SLC23A2: variants seen among roughly 807,000 people sequenced by gnomAD.
SLC23A2 encodes the protein solute carrier family 23 member 2, also known as Na(+)/L-ascorbic acid transporter 2.
A neutral mutation model predicts 73.3 loss-of-function variants in SLC23A2; 36 were observed. The ratio of observed to expected loss-of-function variants is 0.49; its 90% CI spans 0.38 to 0.65. The LOEUF is 0.65. Among genes scored for constraint, SLC23A2 ranks in the 30% least tolerant of loss-of-function variants. SLC23A2 has a pLI of 0.00. For missense variants in SLC23A2, 507 were observed against 841.6 expected (o/e 0.60, Z 4.92); for synonymous variants, 343 against 327.3 (o/e 1.05, Z -0.52).
rs769619015 is a variant in SLC23A2, at chr20:4,912,997, T to C, written c.109-19A>G. On this transcript the variant is annotated intron_variant, in intron 3 of 16. Coordinates refer to ENST00000338244, the MANE Select transcript of SLC23A2 (RefSeq NM_005116.6). ...TCACCACCTGCAGAGACAATCCACT[T>C]AGAGGCTGTTTCAGCGTGAACCACA... The C allele has an allele frequency of 1.3e-6, 2 of 1,541,368 alleles. No homozygotes were observed. Among genetic ancestry groups the C allele is most frequent in the Non-Finnish European group, 9.0e-7 (1 of 1,115,818 alleles).
chr20:4,857,186 C>T lies in SLC23A2; in HGVS notation c.1739G>A (p.Gly580Glu). ...CACACCCTTCTTCCATTTCCGGATTCCTCTTTCCTCTGGAGTGCCTGTCAC... is the reference window on the plus strand; with the variant it reads ...CACACCCTTCTTCCATTTCCGGATTTCTCTTTCCTCTGGAGTGCCTGTCAC... ...NTIPGTPEER[G>E]IRKWKKGVGK... The change falls in exon 17 of 17, where the codon GGA becomes GAA. Residue 580 changes from glycine (G) to glutamate (E), a missense_variant. Gly to Glu is a moderately conservative substitution (Grantham distance 98, BLOSUM62 -2). This residue lies in a region of SLC23A2 where 168 missense variants were observed against 302.3 expected (regional missense o/e 0.56). Transcript: ENST00000338244. The surrounding 1 kb of genome is among the most constrained non-coding windows in gnomAD (Gnocchi z 4.0). 2 of 1,604,890 alleles carry T rather than the reference C, an allele frequency of 1.2e-6. No individual in the cohort carries two copies. The highest frequency in any genetic ancestry group is 1.7e-6 in the Non-Finnish European group (2 of 1,173,968).
In SLC23A2 at chr20:4,946,831, T is replaced by C. The variant is rs539256641; in HGVS notation, c.-154-14115A>G. Among the ~76,000 whole-genome samples the C allele has an allele frequency of 2.6e-5, 4 of 152,350 alleles. No individual in the cohort carries two copies. The East Asian group carries it at 7.7e-4, about 29-fold the overall frequency. ...CTGAGAAAGTAAAATGTCAGAGTGGTGTATGCTTTGTTTGTTTGGGGGTTT... is the reference window on the plus strand; with the variant it reads ...CTGAGAAAGTAAAATGTCAGAGTGGCGTATGCTTTGTTTGTTTGGGGGTTT... On this transcript the variant is annotated intron_variant, in intron 2 of 16. Transcript: ENST00000338244.
At chr20:5,000,234 C>T (rs1232593446) in intron 1 of SLC23A2, among the ~76,000 whole-genome samples, 4 of 152,090 alleles carry the variant, frequency 2.6e-5, no homozygotes. Flanking sequence ...ACGTCACCTG[C>T]AACGGTGAAA....
At chr20:4,888,247 A>G (rs1931183382) in intron 6 of SLC23A2, among the ~76,000 whole-genome samples, 1 of 152,224 alleles carries the variant, frequency 6.6e-6, no homozygotes, top group Non-Finnish European at 1.5e-5. Flanking sequence ...TACTGGAACA[A>G]AGGACAGCCA....
At chr20:4,997,530 G>A (rs902696283) in intron 1 of SLC23A2, among the ~76,000 whole-genome samples, 1 of 151,226 alleles carries the variant, frequency 6.6e-6, no homozygotes, top group Non-Finnish European at 1.5e-5. Context: ...TCATTATATT[G>A]AAGCCCTACC....
intron 1 of SLC23A2, among the ~76,000 whole-genome samples, chr20:4,997,032 AG>A (rs1242011544): frequency 6.6e-6 from 1 of 152,126 alleles, no homozygotes. Flanking sequence ...CTTTCTTTCT[AG>A]GTGCTAAGAC....
In SLC23A2 at chr20:4,862,938, G is replaced by A. The variant is rs1333073098; in HGVS notation, c.1357-31C>T. 3 of 1,590,362 alleles carry A rather than the reference G, an allele frequency of 1.9e-6. No individual in the cohort carries two copies. The highest frequency in any genetic ancestry group is 2.6e-6 in the Non-Finnish European group (3 of 1,162,886). On this transcript the variant is annotated intron_variant, in intron 13 of 16. Transcript: ENST00000338244. This position sits in a 1 kb window ranked among gnomAD's most constrained non-coding sequence, Gnocchi z 5.1. ...GAACACACAGGAGACTGGGAAACAGGGACTCATCTCCATGCAAAATCACCG... is the reference window on the plus strand; with the variant it reads ...GAACACACAGGAGACTGGGAAACAGAGACTCATCTCCATGCAAAATCACCG...
chr20:4,922,207 C>CT, intron 3 of SLC23A2, among the ~76,000 whole-genome samples: 1 of 152,202 alleles, frequency 6.6e-6, no homozygotes, highest in East Asian at 1.9e-4. Flanking sequence ...GGGGATTCAC[C>CT]TAGAAGAAAG....
intron 6 of SLC23A2, among the ~76,000 whole-genome samples, chr20:4,893,624 T>C (rs1219226609): frequency 6.6e-6 from 1 of 152,182 alleles, no homozygotes; most frequent in Non-Finnish European, 1.5e-5. Context: ...CCTGACAGGA[T>C]AGAAGACAGA....
intron 1 of SLC23A2, 49 bp from the exon 2 acceptor site, chr20:4,970,968 A>T (rs550828245): frequency 1.2e-4 from 18 of 152,276 alleles, no homozygotes; most frequent in Non-Finnish European, 4.4e-5. Context: ...ACCTAGCAGG[A>T]GGTACTCTGC....
intron 3 of SLC23A2, among the ~76,000 whole-genome samples, chr20:4,915,245 C>T (rs1315809210): frequency 1.3e-5 from 2 of 152,118 alleles, no homozygotes; most frequent in African/African-American, 2.4e-5. Flanking sequence ...ACGGCAATAG[C>T]AGACACCTTT....
In SLC23A2 at chr20:4,899,106, G is replaced by A. The variant is rs886876275; in HGVS notation, c.482+449C>T. Reference sequence around the variant, plus strand: ...TGCAGCCTGGTGTGTAAAAAGGGAGGAGAGCTGCAGTGTGGCTCACCCTGA... The same window carrying A: ...TGCAGCCTGGTGTGTAAAAAGGGAGAAGAGCTGCAGTGTGGCTCACCCTGA... On this transcript the variant is annotated intron_variant, in intron 6 of 16. Coordinates refer to ENST00000338244, the MANE Select transcript of SLC23A2 (RefSeq NM_005116.6). This position sits in a 1 kb window ranked among gnomAD's most constrained non-coding sequence, Gnocchi z 4.9. 1.3e-5 allele frequency among the ~76,000 whole-genome samples: 2 copies of A among 152,206 alleles called. No individual in the cohort carries two copies. Among genetic ancestry groups the A allele is most frequent in the Non-Finnish European group, 2.9e-5 (2 of 68,040 alleles).
intron 3 of SLC23A2, among the ~76,000 whole-genome samples, chr20:4,920,939 G>A (rs1358525430): frequency 6.6e-6 from 1 of 152,116 alleles, no homozygotes; most frequent in Non-Finnish European, 1.5e-5. Flanking sequence ...GTATTACTCC[G>A]CAGGAATAAA....
At chr20:4,889,263 G>C (rs1931227128) in intron 6 of SLC23A2, among the ~76,000 whole-genome samples, 1 of 152,152 alleles carries the variant, frequency 6.6e-6, no homozygotes, top group Admixed American at 6.5e-5. Context: ...TCCGGGCAGA[G>C]AGAGGGGAGG....
At chr20:4,940,515 A>AAACC (rs1333429402) in intron 2 of SLC23A2, among the ~76,000 whole-genome samples, 3 of 152,174 alleles carry the variant, frequency 2.0e-5, no homozygotes. Flanking sequence ...TCAAATCATA[A>AAACC]AACCAACTAT....
chr20:4,962,230 G>A (rs1407004303), intron 2 of SLC23A2, among the ~76,000 whole-genome samples: 4 of 146,842 alleles, frequency 2.7e-5, no homozygotes, highest in Non-Finnish European at 6.0e-5. Context: ...TTTCTCTCCA[G>A]CAGAGTTCAA....
chr20:4,987,288 C>T (rs985803237), intron 1 of SLC23A2, among the ~76,000 whole-genome samples: 3 of 152,172 alleles, frequency 2.0e-5, no homozygotes, highest in Non-Finnish European at 4.4e-5. Context: ...AGGGAGACAA[C>T]ATTTTCAAAC....
rs183226516 is a variant in SLC23A2 at position 4,868,100 on chromosome 20, G to T, written c.1251-225C>A. Among the ~76,000 whole-genome samples, 17 of 110,006 alleles carry T rather than the reference G, an allele frequency of 1.5e-4. No homozygotes were observed. The highest frequency in any genetic ancestry group is 5.9e-4 in the East Asian group (2 of 3,394). The allele number at this position is 110,006 out of a possible 152,430, so 72.2% of individuals were successfully genotyped here. On this transcript the variant is annotated intron_variant, in intron 12 of 16. Transcript: ENST00000338244. The surrounding 1 kb of genome is among the most constrained non-coding windows in gnomAD (Gnocchi z 4.4). ...TTTTTTTTTTTTTTTTTTTTTTTTA[G>T]AGAGTGTCTCACTCCGTCACCTAGG...
intron 9 of SLC23A2, among the ~76,000 whole-genome samples, chr20:4,881,418 G>A (rs752621260): frequency 1.9e-4 from 29 of 152,174 alleles, no homozygotes; most frequent in Non-Finnish European, 3.7e-4. Flanking sequence ...TAAGAGTGAG[G>A]AGGAGTCAAT....
Sources: allele counts gnomAD v4.1 joint callset (sites outside exome capture counted in the v4.1 genomes callset), GRCh38; gene constraint gnomAD v4.1.1; regional missense constraint gnomAD v4.1.1; non-coding constraint Gnocchi (gnomAD v3.1); transcripts MANE v1.5; gene names NCBI Gene and HGNC (gene_info 2026-07-23, HGNC 2026-07-21).